HMBOX1: variants seen among roughly 807,000 people sequenced by gnomAD.
The protein encoded by HMBOX1 is homeobox-containing protein 1.
HMBOX1 carries 14 observed loss-of-function variants against 54.5 expected under a neutral mutation model. The ratio of observed to expected loss-of-function variants is 0.26; its 90% CI spans 0.17 to 0.40. The LOEUF (loss-of-function observed/expected upper bound fraction) is 0.40. Ranked by LOEUF, HMBOX1 falls within the 10% of genes least tolerant of loss-of-function variation. The pLI, the probability that HMBOX1 is intolerant of heterozygous loss-of-function variation, is 1.00. For missense variants in HMBOX1, 332 were observed against 514.4 expected, an observed-to-expected ratio of 0.65 and a Z score of 3.43; for synonymous variants, 160 against 181.0, an observed-to-expected ratio of 0.88 and a Z score of 0.93.
intron 1 of HMBOX1, among the ~76,000 whole-genome samples, chr8:28,911,679 G>T (rs544948669): frequency 2.4e-3 from 366 of 152,198 alleles, no homozygotes; most frequent in Middle Eastern, 6.8e-3. Flanking sequence ...TATTGCTGCT[G>T]CTCCTAAAAC....
At chr8:28,900,269 A>ATATAT (rs1422463025) in intron 1 of HMBOX1, among the ~76,000 whole-genome samples, 226 of 69,162 alleles carry the variant, frequency 3.3e-3, no homozygotes, top group Middle Eastern at 9.3e-3. Flanking sequence ...AAAAAAAAAA[A>ATATAT]AAATATATAT....
chr8:28,916,346 G>A (rs1816540104), intron 1 of HMBOX1, among the ~76,000 whole-genome samples: 1 of 152,110 alleles, frequency 6.6e-6, no homozygotes, highest in Non-Finnish European at 1.5e-5. Flanking sequence ...TGCCAATCAG[G>A]AATTACCCAT....
intron 6 of HMBOX1, 70 bp from the exon 7 acceptor site, chr8:29,045,291 T>G: frequency 9.6e-6 from 11 of 1,145,784 alleles, no homozygotes; most frequent in East Asian, 2.3e-5. Context: ...TATTTTTCAG[T>G]GAGTTAGTGT....
chr8:28,916,554 A>T (rs565307802), intron 1 of HMBOX1, among the ~76,000 whole-genome samples: 9 of 152,262 alleles, frequency 5.9e-5, no homozygotes, highest in African/African-American at 2.2e-4. Context: ...AGCTCCATTT[A>T]TTGAAAAAGG....
intron 6 of HMBOX1, among the ~76,000 whole-genome samples, chr8:29,027,195 T>C (rs1802190190): frequency 6.6e-6 from 1 of 152,232 alleles, no homozygotes. Flanking sequence ...ATGTCTGAAA[T>C]ATCTGCATAT....
Position 28,900,507 on chromosome 8 carries a change from T to C in HMBOX1, c.-58+9829T>C, listed in dbSNP as rs531870511. Among the ~76,000 whole-genome samples, 9 of 152,066 alleles carry C rather than the reference T, an allele frequency of 5.9e-5. 1 individual carries two copies. In the South Asian group the frequency reaches 6.2e-4, roughly 11 times the overall value. ...ATAATTGGGAGTGTTTCTTTCCTGA[T>C]ATTTGCCTGCCTCATATTAAACACT... On this transcript the variant is annotated intron_variant, in intron 1 of 9. Coordinates refer to ENST00000287701, the MANE Select transcript of HMBOX1 (RefSeq NM_001135726.3).
At chr8:28,940,585 C>A (rs1181983720) in intron 1 of HMBOX1, among the ~76,000 whole-genome samples, 1 of 152,174 alleles carries the variant, frequency 6.6e-6, no homozygotes, top group Admixed American at 6.5e-5. Context: ...GTTCCTGGAA[C>A]ACAGTTGTTG....
intron 1 of HMBOX1, among the ~76,000 whole-genome samples, chr8:28,894,245 A>C (rs1227064463): frequency 6.6e-6 from 1 of 152,194 alleles, no homozygotes; most frequent in Non-Finnish European, 1.5e-5. Context: ...GCTTGTCTAG[A>C]GTGCCATATA....
chr8:29,027,441 T>C (rs1369772270), intron 6 of HMBOX1, among the ~76,000 whole-genome samples: 2 of 152,200 alleles, frequency 1.3e-5, no homozygotes, highest in Admixed American at 6.5e-5. Context: ...CTTTCCTTAC[T>C]AATCTTTCAG....
In HMBOX1 at chr8:28,970,004, T is replaced by C. The variant is rs764515881; in HGVS notation, c.24-39T>C. The C allele has an allele frequency of 1.6e-6, 2 of 1,249,404 alleles. No individual in the cohort carries two copies. Among genetic ancestry groups the C allele is most frequent in the Admixed American group, 3.8e-5 (2 of 52,690 alleles). The allele number at this position is 1,249,404 out of a possible 1,614,324, so 77.4% of individuals were successfully genotyped here. ...GTATAATATGTGCTTTGGTAGATAC[T>C]GTCAATAAAGAGACTTCTTTTTATC... On this transcript the variant is annotated intron_variant, in intron 2 of 9. Transcript: ENST00000287701. The surrounding 1 kb of genome is among the most constrained non-coding windows in gnomAD (Gnocchi z 4.3).
chr8:29,001,072 A>G (rs1369836755), intron 4 of HMBOX1, among the ~76,000 whole-genome samples: 1 of 152,112 alleles, frequency 6.6e-6, no homozygotes, highest in Non-Finnish European at 1.5e-5. Context: ...CACTGATGTC[A>G]CTCCAATTCA....
intron 4 of HMBOX1, among the ~76,000 whole-genome samples, chr8:28,985,903 A>G (rs1830093379): frequency 6.6e-6 from 1 of 150,782 alleles, no homozygotes; most frequent in African/African-American, 2.4e-5. Flanking sequence ...CCAGAGTGGT[A>G]CCTTTGTTAC....
intron 6 of HMBOX1, among the ~76,000 whole-genome samples, chr8:29,042,279 CGGA>C (rs1454609253): frequency 1.3e-5 from 2 of 152,102 alleles, no homozygotes; most frequent in Non-Finnish European, 2.9e-5. Context: ...AAGACAAAAG[CGGA>C]GAAGTTGACC....
chr8:29,033,015 A>T (rs1803253791), intron 6 of HMBOX1, among the ~76,000 whole-genome samples: 1 of 152,226 alleles, frequency 6.6e-6, no homozygotes, highest in African/African-American at 2.4e-5. Flanking sequence ...TGTTTTCCTT[A>T]GAACATTATA....
At chr8:29,002,010 A>C (rs765721588) in intron 4 of HMBOX1, among the ~76,000 whole-genome samples, 1 of 152,240 alleles carries the variant, frequency 6.6e-6, no homozygotes, top group Non-Finnish European at 1.5e-5. Flanking sequence ...CTGTTGCAAC[A>C]TTAAGAACTT....
intron 5 of HMBOX1, chr8:29,009,523 C>CTTTT (rs10706846): frequency 3.8e-5 from 18 of 477,278 alleles, no homozygotes; most frequent in African/African-American, 3.7e-4. Flanking sequence ...TTCCGTATCT[C>CTTTT]TTTTTTTTTT....
chr8:28,894,560 A>G (rs1811702145), intron 1 of HMBOX1, among the ~76,000 whole-genome samples: 1 of 152,332 alleles, frequency 6.6e-6, no homozygotes, highest in Middle Eastern at 3.4e-3. Flanking sequence ...ATTAGTAAGT[A>G]AGACGTAGCA....
chr8:28,970,654 C>G lies in HMBOX1; in HGVS notation c.500+135C>G, dbSNP rs1827230032. On this transcript the variant is annotated intron_variant, in intron 3 of 9. Transcript: ENST00000287701. This position sits in a 1 kb window ranked among gnomAD's most constrained non-coding sequence, Gnocchi z 4.3. Reference sequence around the variant, plus strand: ...TAGCTATAAGAACTGTAACTTCCTCCTCCCACCTTTGGAGATGAAAGAAAG... The same window carrying G: ...TAGCTATAAGAACTGTAACTTCCTCGTCCCACCTTTGGAGATGAAAGAAAG... 3.4e-6 allele frequency: 2 copies of G among 582,006 alleles called. No individual in the cohort carries two copies. The highest frequency in any genetic ancestry group is 5.5e-5 in the South Asian group (2 of 36,274). 36.1% of individuals were successfully genotyped at this position (582,006 alleles called of 1,614,324 possible). A position where few individuals can be genotyped will look rare whatever the true frequency, so the allele number is the denominator to read the frequency against.
intron 1 of HMBOX1, among the ~76,000 whole-genome samples, chr8:28,962,075 G>A (rs905011587): frequency 2.6e-5 from 4 of 151,334 alleles, no homozygotes; most frequent in African/African-American, 7.3e-5. Context: ...CACTCAGTGT[G>A]GATGTGATCT....
Sources: gnomAD v4.1 joint callset for allele counts (sites outside exome capture counted in the v4.1 genomes callset) on GRCh38, gnomAD v4.1.1 for gene constraint, Gnocchi (gnomAD v3.1) non-coding constraint, MANE v1.5 for transcripts, NCBI Gene and HGNC (gene_info 2026-07-23, HGNC 2026-07-21) for gene names.